NFIC: variants seen among roughly 807,000 people sequenced by gnomAD.
NFIC encodes nuclear factor I C.
Under a neutral mutation model 54.4 loss-of-function variants are expected in NFIC, and 12 were observed. The ratio of observed to expected loss-of-function variants is 0.22; its 90% CI spans 0.14 to 0.36. The LOEUF is 0.36. Ranked by LOEUF, NFIC falls within the 10% of genes least tolerant of loss-of-function variation. The pLI is 1.00. For synonymous variants in NFIC, 322 were observed against 319.2 expected (o/e 1.01, Z -0.09); for missense variants, 575 against 718.2 (o/e 0.80, Z 2.28).
In NFIC at chr19:3,464,863, T is replaced by C; in HGVS notation, c.*2094T>C. 1 of 203,444 alleles carries C rather than the reference T, an allele frequency of 4.9e-6. No individual in the cohort carries two copies. Among genetic ancestry groups the C allele is most frequent in the Non-Finnish European group, 8.4e-6 (1 of 118,420 alleles). 12.6% of individuals were successfully genotyped at this position (203,444 alleles called of 1,614,324 possible). ...TTGGGGATCAAAGCGTGGGCCGCTC[T>C]CCGGGAGGGCGGGCGGGGGAGGGGG... On this transcript the variant is annotated 3_prime_UTR_variant, in exon 11 of 11. Coordinates refer to ENST00000443272, the MANE Select transcript of NFIC (RefSeq NM_001245002.2).
At chr19:3,419,366 C>T (rs1911149674) in intron 2 of NFIC, among the ~76,000 whole-genome samples, 2 of 152,024 alleles carry the variant, frequency 1.3e-5, no homozygotes, top group South Asian at 4.2e-4. Context: ...TCCAATTACT[C>T]GACAGTCTGA....
Position 3,452,550 on chromosome 19 carries a change from G to A in NFIC, c.1153G>A (p.Ala385Thr). ...TACGACGTCCATCCTACCCCAGACG[G>A]CCTCCACCTACTTCCCCCACACGGC... ...FPTTSILPQTASTYFPHTAIR... is the reference protein window; with the variant it reads ...FPTTSILPQTTSTYFPHTAIR... The change falls in exon 8 of 11, where the codon GCC (alanine) becomes ACC (threonine). Residue 385 changes from alanine (A) to threonine (T), a missense_variant. Around this residue, in one of 3 missense-constraint regions of NFIC, gnomAD observed 447 missense variants for 526.9 expected, o/e 0.85. Coordinates refer to ENST00000443272, the MANE Select transcript of NFIC (RefSeq NM_001245002.2). This position sits in a 1 kb window ranked among gnomAD's most constrained non-coding sequence, Gnocchi z 5.3. The A allele has an allele frequency of 1.2e-6, 2 of 1,613,626 alleles. No individual in the cohort carries two copies. The highest frequency in any genetic ancestry group is 1.7e-6 in the Non-Finnish European group (2 of 1,179,998).
intron 1 of NFIC, among the ~76,000 whole-genome samples, chr19:3,360,437 C>T (rs903847846): frequency 2.6e-5 from 4 of 151,480 alleles, no homozygotes; most frequent in African/African-American, 9.7e-5. Flanking sequence ...GGTGGCTGCA[C>T]TTGGGGTTCC....
chr19:3,386,185 G>C (rs1055041214), intron 2 of NFIC, among the ~76,000 whole-genome samples: 1 of 151,878 alleles, frequency 6.6e-6, no homozygotes, highest in Admixed American at 6.6e-5. Flanking sequence ...TCAGGCATTC[G>C]AGACCAGCCT....
intron 2 of NFIC, among the ~76,000 whole-genome samples, chr19:3,402,000 G>A (rs2081564711): frequency 6.6e-6 from 1 of 151,720 alleles, no homozygotes; most frequent in African/African-American, 2.4e-5. Flanking sequence ...AGGATTACAG[G>A]TGTGAACCAC....
intron 2 of NFIC, among the ~76,000 whole-genome samples, chr19:3,384,420 G>C (rs913498219): frequency 6.8e-6 from 1 of 147,840 alleles, no homozygotes; most frequent in South Asian, 2.1e-4. Flanking sequence ...ATGGAGTTTC[G>C]CCCTGTTCCC....
At position 3,377,435 on chromosome 19, in the gene NFIC, A is replaced by C. The variant is rs545650318; in HGVS notation, c.31-4277A>C. On this transcript the variant is annotated intron_variant, in intron 1 of 10. Transcript: ENST00000443272. Reference sequence around the variant, plus strand: ...ATGTAGTCCTTTGAGAGCTGGGGGGAGGAAAACAGCTTTCTGTGCTAGGAA... The same window carrying C: ...ATGTAGTCCTTTGAGAGCTGGGGGGCGGAAAACAGCTTTCTGTGCTAGGAA... Among the ~76,000 whole-genome samples, 11 of 146,980 alleles carry C rather than the reference A, an allele frequency of 7.5e-5. No homozygotes were observed. In the East Asian group the frequency reaches 2.2e-3, roughly 30 times the overall value.
Position 3,371,321 on chromosome 19 carries a change from A to ACTTTTTTTT in NFIC, c.30+4655_30+4656insCTTTTTTTT, listed in dbSNP as rs1555739022. ...GCTGCAGATTCAGGGAGGCAGCACA[A>ACTTTTTTTT]TTTTTTTTTTTTTTTTTTTTTGAGG... is the stretch of plus-strand genomic sequence containing the variant. On this transcript the variant is annotated intron_variant, in intron 1 of 10. Transcript: ENST00000443272. The ACTTTTTTTT allele has an allele frequency of 2.4e-5, 3 of 124,532 alleles. 1 individual carries two copies. The highest frequency in any genetic ancestry group is 2.4e-4 in the East Asian group (1 of 4,230). The allele number at this position is 124,532 out of a possible 1,614,324, so 7.7% of individuals were successfully genotyped here. A position where few individuals can be genotyped will look rare whatever the true frequency, so the allele number is the denominator to read the frequency against.
chr19:3,402,500 T>A (rs2081574368), intron 2 of NFIC, among the ~76,000 whole-genome samples: 1 of 152,228 alleles, frequency 6.6e-6, no homozygotes, highest in African/African-American at 2.4e-5. Flanking sequence ...TTCTAGCCAC[T>A]GAGGGCACAA....
Position 3,466,233 on chromosome 19 carries a change from T to C in NFIC, c.*3464T>C, listed in dbSNP as rs1334479641. 1 of 151,644 alleles carries C rather than the reference T, an allele frequency of 6.6e-6. No individual in the cohort carries two copies. The highest frequency in any genetic ancestry group is 1.5e-5 in the Non-Finnish European group (1 of 67,942). 9.4% of individuals were successfully genotyped at this position (151,644 alleles called of 1,614,324 possible). On this transcript the variant is annotated 3_prime_UTR_variant, in exon 11 of 11. Coordinates refer to ENST00000443272, the MANE Select transcript of NFIC (RefSeq NM_001245002.2). This position sits in a 1 kb window ranked among gnomAD's most constrained non-coding sequence, Gnocchi z 4.8. ...TTATTTTCTTTTGTTCTTTTTTTTT[T>C]TCTTTTCTTTTTGTTTTTAACTCCA...
intron 1 of NFIC, among the ~76,000 whole-genome samples, chr19:3,372,009 CT>C: frequency 1.0e-5 from 1 of 98,060 alleles, no homozygotes; most frequent in Non-Finnish European, 1.8e-5. Context: ...CTCTCTCTCT[CT>C]CTCTCTCTCT....
At chr19:3,410,015 C>T (rs1169213594) in intron 2 of NFIC, among the ~76,000 whole-genome samples, 1 of 151,568 alleles carries the variant, frequency 6.6e-6, no homozygotes, top group East Asian at 2.0e-4. Flanking sequence ...TGAGTCCAGC[C>T]TGGGCAACAT....
chr19:3,443,598 G>A (rs1007229431), intron 6 of NFIC, among the ~76,000 whole-genome samples: 1 of 152,010 alleles, frequency 6.6e-6, no homozygotes, highest in Admixed American at 6.6e-5. Context: ...GACCTCTGCA[G>A]GGCAGAGGAT....
intron 5 of NFIC, 127 bp from the exon 6 acceptor site, chr19:3,434,956 C>A: frequency 7.7e-7 from 1 of 1,292,438 alleles, no homozygotes; most frequent in Non-Finnish European, 1.0e-6. Flanking sequence ...GCGGCTCCCG[C>A]GATGTCTCGC....
At chr19:3,431,901 G>A (rs182704041) in intron 3 of NFIC, among the ~76,000 whole-genome samples, 1 of 152,330 alleles carries the variant, frequency 6.6e-6, no homozygotes, top group East Asian at 1.9e-4. Context: ...TTTCCAGTTT[G>A]AGCTGTGGTG....
At chr19:3,384,536 C>T (rs1032742698) in intron 2 of NFIC, among the ~76,000 whole-genome samples, 2 of 152,120 alleles carry the variant, frequency 1.3e-5, no homozygotes, top group African/African-American at 2.4e-5. Flanking sequence ...TTACAGGTGA[C>T]TGCCACCACG....
chr19:3,441,242 C>T (rs1279818067), intron 6 of NFIC, among the ~76,000 whole-genome samples: 4 of 152,240 alleles, frequency 2.6e-5, no homozygotes, highest in African/African-American at 9.6e-5. Flanking sequence ...TCCAGGTCAC[C>T]CCAGCGGCAA....
In NFIC at chr19:3,468,773, T is replaced by A. The variant is rs1356095340; in HGVS notation, c.*6004T>A. On this transcript the variant is annotated 3_prime_UTR_variant, in exon 11 of 11. Transcript: ENST00000443272. ...CAGGATAGTTTACTCTCCTTCTAGC[T>A]TTCTGCTTACCGCACACTGGATAAC... 6.6e-6 allele frequency: 1 copy of A among 152,174 alleles called. No individual in the cohort carries two copies. The highest frequency in any genetic ancestry group is 1.5e-5 in the Non-Finnish European group (1 of 68,028). 9.4% of individuals were successfully genotyped at this position (152,174 alleles called of 1,614,324 possible).
intron 6 of NFIC, among the ~76,000 whole-genome samples, chr19:3,439,737 G>A (rs1388094698): frequency 2.1e-5 from 3 of 144,760 alleles, no homozygotes; most frequent in South Asian, 4.4e-4. Flanking sequence ...CGCCCAGGCT[G>A]GAGTGCAGTG....
Sources: allele counts gnomAD v4.1 joint callset (sites outside exome capture counted in the v4.1 genomes callset), GRCh38; gene constraint gnomAD v4.1.1; regional missense constraint gnomAD v4.1.1; non-coding constraint Gnocchi (gnomAD v3.1); transcripts MANE v1.5; gene names NCBI Gene and HGNC (gene_info 2026-07-23, HGNC 2026-07-21).